DLG4: variants seen among roughly 807,000 people sequenced by gnomAD.
DLG4 encodes discs large MAGUK scaffold protein 4.
A neutral mutation model predicts 93.8 loss-of-function variants in DLG4; 7 were observed. The observed-to-expected ratio is 0.07, with a 90% CI of 0.04 to 0.14. The LOEUF (loss-of-function observed/expected upper bound fraction) is 0.14. Ranked by LOEUF, DLG4 falls within the 10% of genes least tolerant of loss-of-function variation. The probability of loss-of-function intolerance (pLI) is 1.00; values close to 1 mark genes in which losing one functional copy is unlikely to be tolerated. For missense variants in DLG4, 545 were observed against 992.9 expected (o/e 0.55, Z 6.06); for synonymous variants, 341 against 387.6 (o/e 0.88, Z 1.41).
In DLG4 at chr17:7,199,201, A is replaced by T. The variant is rs545891842; in HGVS notation, c.788-2149T>A. Among the ~76,000 whole-genome samples, 32 of 150,868 alleles carry T rather than the reference A, an allele frequency of 2.1e-4. No homozygotes were observed. In the South Asian group the frequency reaches 4.0e-3, roughly 19 times the overall value. Reference sequence around the variant, plus strand: ...CCTAGCATCCTCCAATTTTTTTTTTAATTATTTATTTTTTTGGGATGGAGT... The same window carrying T: ...CCTAGCATCCTCCAATTTTTTTTTTTATTATTTATTTTTTTGGGATGGAGT... On this transcript the variant is annotated intron_variant, in intron 8 of 19. Transcript: ENST00000399506.
rs763066158 is a variant in DLG4 at position 7,208,217 on chromosome 17, T to G, written c.53A>C (p.Asp18Ala). ...TTKKYRYQDE[D>A]TPPLEHSPAH... The stretch of plus-strand genomic sequence containing the variant: ...CGGGCTGTGCTCCAGAGGGGGCGTG[T>G]CTTCATCTTGGTAGCGGTATTTCTG... The change falls in exon 2 of 20, where the codon GAC becomes GCC. Residue 18 changes from aspartate to alanine, a missense_variant. This residue lies in a region of DLG4 where 49 missense variants were observed against 80.4 expected (regional missense o/e 0.61). Transcript: ENST00000399506. This position sits in a 1 kb window ranked among gnomAD's most constrained non-coding sequence, Gnocchi z 5.4. The G allele has an allele frequency of 7.6e-7, 1 of 1,313,226 alleles. No individual in the cohort carries two copies. Among genetic ancestry groups the G allele is most frequent in the African/African-American group, 1.5e-5 (1 of 66,234 alleles). 81.3% of individuals were successfully genotyped at this position (1,313,226 alleles called of 1,614,324 possible). A position where few individuals can be genotyped will look rare whatever the true frequency, so the allele number is the denominator to read the frequency against.
Position 7,203,688 on chromosome 17 carries a change from C to G in DLG4, c.335+4G>C. On this transcript the variant is annotated splice_donor_region_variant and intron_variant, in intron 5 of 19. Transcript: ENST00000399506. This position sits in a 1 kb window ranked among gnomAD's most constrained non-coding sequence, Gnocchi z 7.2. Reference sequence around the variant, plus strand: ...GCAACCTAACCCCTGTCTCCTCTCCCCACCTGAGGCGGCCATCCTGGGCCG... The same window carrying G: ...GCAACCTAACCCCTGTCTCCTCTCCGCACCTGAGGCGGCCATCCTGGGCCG... The G allele has an allele frequency of 6.2e-7, 1 of 1,613,958 alleles. No homozygotes were observed. The highest frequency in any genetic ancestry group is 8.5e-7 in the Non-Finnish European group (1 of 1,179,868).
Position 7,202,985 on chromosome 17 carries a change from C to T in DLG4, c.705G>A (p.Thr235=), listed in dbSNP as rs375158451. The T allele has an allele frequency of 2.9e-5, 46 of 1,613,662 alleles. No homozygotes were observed. The highest frequency in any genetic ancestry group is 3.4e-5 in the Non-Finnish European group (40 of 1,179,694). The change falls in exon 8 of 20, where the codon ACG becomes ACA. Residue 235 remains threonine, a synonymous_variant. Coordinates refer to ENST00000399506, the MANE Select transcript of DLG4 (RefSeq NM_001321075.3). ...CCACCTTTAGGTAGACAACATCATACGTGTTCTTCAGGGCTGCCACAGCAT... is the reference window on the plus strand; with the variant it reads ...CCACCTTTAGGTAGACAACATCATATGTGTTCTTCAGGGCTGCCACAGCAT... ...HEDAVAALKN[T]YDVVYLKVAK...
rs769852553 is a variant in DLG4, at chr17:7,196,736, T to G, written c.1083+21A>C. On this transcript the variant is annotated intron_variant, in intron 9 of 19. Transcript: ENST00000399506. The surrounding 1 kb of genome is among the most constrained non-coding windows in gnomAD (Gnocchi z 8.3). Reference sequence around the variant, plus strand: ...CCCTGTGGGGAGGGGGTGGTGCAGGTAGGGGCAGGCCTTCCCTCACCGACA... The same window carrying G: ...CCCTGTGGGGAGGGGGTGGTGCAGGGAGGGGCAGGCCTTCCCTCACCGACA... 4 of 1,591,768 alleles carry G rather than the reference T, an allele frequency of 2.5e-6. No individual in the cohort carries two copies. The Admixed American group carries it at 5.3e-5, about 21-fold the overall frequency.
At chr17:7,197,106 C>A (rs1353421996) in intron 8 of DLG4, 54 bp from the exon 9 acceptor site, 18 of 1,507,252 alleles carry the variant, frequency 1.2e-5, no homozygotes, top group African/African-American at 2.8e-5. Context: ...GCACCCGCCA[C>A]CCAACCTTCT....
Position 7,191,671 on chromosome 17 carries a change from T to G in DLG4, c.1976+222A>C, listed in dbSNP as rs1379456105. The G allele has an allele frequency of 1.7e-6, 1 of 587,652 alleles. No individual in the cohort carries two copies. The highest frequency in any genetic ancestry group is 2.3e-5 in the South Asian group (1 of 43,028). 36.4% of individuals were successfully genotyped at this position (587,652 alleles called of 1,614,324 possible). A position where few individuals can be genotyped will look rare whatever the true frequency, so the allele number is the denominator to read the frequency against. ...AGGCCCTGACTCGCCCCAGCTGGTA[T>G]GCCCCAGGGGCTGCTGGGAAATGTA... On this transcript the variant is annotated intron_variant, in intron 18 of 19. Transcript: ENST00000399506. The surrounding 1 kb of genome is among the most constrained non-coding windows in gnomAD (Gnocchi z 6.6).
intron 8 of DLG4, 117 bp downstream of exon 8, chr17:7,202,786 G>C: frequency 7.8e-7 from 1 of 1,275,414 alleles, no homozygotes; most frequent in South Asian, 1.3e-5. Context: ...ATCAGAGGTT[G>C]TGGCTATTTC....
At chr17:7,217,890 G>A (rs2071007129), upstream of DLG4, 3 of 1,427,306 alleles carry the variant, frequency 2.1e-6, no homozygotes, top group Non-Finnish European at 2.9e-6. Context: ...TTTGAATACG[G>A]GAGGGAGGCC....
chr17:7,195,331 C>A lies in DLG4; in HGVS notation c.1302-836G>T, dbSNP rs1369948243. Among the ~76,000 whole-genome samples, 1 of 152,142 alleles carries A rather than the reference C, an allele frequency of 6.6e-6. No individual in the cohort carries two copies. Among genetic ancestry groups the A allele is most frequent in the African/African-American group, 2.4e-5 (1 of 41,432 alleles). On this transcript the variant is annotated intron_variant, in intron 11 of 19. Coordinates refer to ENST00000399506, the MANE Select transcript of DLG4 (RefSeq NM_001321075.3). The surrounding 1 kb of genome is among the most constrained non-coding windows in gnomAD (Gnocchi z 4.3). ...ATTCCGCCTGGGAGCCACTACACAA[C>A]CTCTGTGGTCACTGGGAGTCAGAAC...
In DLG4 at chr17:7,188,626, A is replaced by G. The variant is rs1326278047; in HGVS notation, c.*2082T>C. On this transcript the variant is annotated 3_prime_UTR_variant, in exon 20 of 20. Transcript: ENST00000399506. ...AAATATGACTCCCTAAAAGAACTAA[A>G]ATTATTTCTCCCTTATAATAAAGAA... is the stretch of plus-strand genomic sequence containing the variant. 2.6e-5 allele frequency among the ~76,000 whole-genome samples: 4 copies of G among 152,152 alleles called. No homozygotes were observed. The highest frequency in any genetic ancestry group is 9.7e-5 in the African/African-American group (4 of 41,426).
Position 7,194,680 on chromosome 17 carries a change from C to T in DLG4, c.1302-185G>A, listed in dbSNP as rs1325418563. 1.3e-5 allele frequency among the ~76,000 whole-genome samples: 2 copies of T among 152,216 alleles called. No homozygotes were observed. Among genetic ancestry groups the T allele is most frequent in the Non-Finnish European group, 2.9e-5 (2 of 68,038 alleles). On this transcript the variant is annotated intron_variant, in intron 11 of 19. Transcript: ENST00000399506. The surrounding 1 kb of genome is among the most constrained non-coding windows in gnomAD (Gnocchi z 4.4). ...AACTCATAACAACTATTAGCCATCA[C>T]TCAGTCCACACTGAGCACAGTTTCC...
At chr17:7,217,932 G>C, upstream of DLG4, 1 of 1,043,066 alleles carries the variant, frequency 9.6e-7, no homozygotes, top group Non-Finnish European at 1.4e-6. Context: ...CGGGTGTGAG[G>C]GAGGAGCTGA....
intron 8 of DLG4, among the ~76,000 whole-genome samples, chr17:7,201,687 C>T (rs1281400206): frequency 6.6e-6 from 1 of 152,036 alleles, no homozygotes; most frequent in East Asian, 1.9e-4. Context: ...TCGAGACCAG[C>T]CTGGCCAACA....
chr17:7,193,718 G>C lies in DLG4; in HGVS notation c.1544-4C>G, dbSNP rs749583637. The C allele has an allele frequency of 2.5e-6, 4 of 1,588,210 alleles. No homozygotes were observed. The African/African-American group carries it at 5.4e-5, about 21-fold the overall frequency. ...CTCAGAACCGAGTCTTCTCGACCTG[G>C]TGGGAGGTGGGGCATCTGCAAGGGG... On this transcript the variant is annotated splice_region_variant and splice_polypyrimidine_tract_variant and intron_variant, in intron 14 of 19. Coordinates refer to ENST00000399506, the MANE Select transcript of DLG4 (RefSeq NM_001321075.3). The surrounding 1 kb of genome is among the most constrained non-coding windows in gnomAD (Gnocchi z 6.7).
Position 7,191,934 on chromosome 17 carries a change from G to A in DLG4, c.1935C>T (p.Pro645=), listed in dbSNP as rs746825626. 6.7e-7 allele frequency: 1 copy of A among 1,499,344 alleles called. No individual in the cohort carries two copies. The allele number at this position is 1,499,344 out of a possible 1,614,324, so 92.9% of individuals were successfully genotyped here. The change falls in exon 18 of 20, where the codon CCC becomes CCT. Residue 645 remains proline (P), a synonymous_variant. Transcript: ENST00000399506. This position sits in a 1 kb window ranked among gnomAD's most constrained non-coding sequence, Gnocchi z 6.6. ...AGCGGGGGCGGATGAAGATGGCGAT[G>A]GGGTGCAGGTGGGCCGCCTGCAGCC... ...VRRLQAAHLH[P]IAIFIRPRSL... is the part of the protein sequence containing the mutation.
upstream of DLG4, chr17:7,218,570 A>G: frequency 1.9e-6 from 3 of 1,565,246 alleles, no homozygotes; most frequent in South Asian, 1.2e-5. Flanking sequence ...GTCGCTATGC[A>G]GCACTGTGAG....
At chr17:7,215,313 T>A (rs2070863567) in intron 1 of DLG4, among the ~76,000 whole-genome samples, 1 of 152,122 alleles carries the variant, frequency 6.6e-6, no homozygotes, top group Non-Finnish European at 1.5e-5. Flanking sequence ...CTGGGCTCCA[T>A]GGAAGAAGTA....
At position 7,188,681 on chromosome 17, in the gene DLG4, A is replaced by G. The variant is rs1324309546; in HGVS notation, c.*2027T>C. 6.6e-6 allele frequency among the ~76,000 whole-genome samples: 1 copy of G among 152,060 alleles called. No individual in the cohort carries two copies. ...GTAATTGACAATTTCCTTTTTTGCC[A>G]TGGCTATCAGGAAGCTCAGAGATCA... On this transcript the variant is annotated 3_prime_UTR_variant, in exon 20 of 20. Transcript: ENST00000399506.
chr17:7,213,697 C>T, intron 1 of DLG4: 1 of 456,122 alleles, frequency 2.2e-6, no homozygotes. Flanking sequence ...CATTGAACGC[C>T]CACCCTTCCA....
Sources: allele counts gnomAD v4.1 joint callset (sites outside exome capture counted in the v4.1 genomes callset), GRCh38; gene constraint gnomAD v4.1.1; regional missense constraint gnomAD v4.1.1; non-coding constraint Gnocchi (gnomAD v3.1); transcripts MANE v1.5; gene names NCBI Gene and HGNC (gene_info 2026-07-23, HGNC 2026-07-21).